The following CSMD3 variants were observed in gnomAD, a reference collection of about 807,000 sequenced individuals.
CSMD3 encodes the protein CUB and Sushi multiple domains 3.
A neutral mutation model predicts 435.2 loss-of-function variants in CSMD3; 177 were observed. The observed-to-expected ratio is 0.41, with a 90% CI of 0.36 to 0.46. CSMD3 has a LOEUF of 0.46. CSMD3 is among the 20% of genes least tolerant of loss of function. The pLI is 0.34. For missense variants in CSMD3, 4,265 were observed against 4,504.6 expected, an observed-to-expected ratio of 0.95 and a Z score of 1.52; for synonymous variants, 1,656 against 1,520.5, an observed-to-expected ratio of 1.09 and a Z score of -2.07.
At chr8:112,300,531 C>T (rs888760514) in intron 53 of CSMD3, among the ~76,000 whole-genome samples, 1 of 151,810 alleles carries the variant, frequency 6.6e-6, no homozygotes, top group Non-Finnish European at 1.5e-5. Context: ...TATGCCCAAC[C>T]TTATCCAATG....
chr8:112,710,156 C>T (rs1404837725), intron 13 of CSMD3, among the ~76,000 whole-genome samples: 2 of 152,056 alleles, frequency 1.3e-5, no homozygotes, highest in Non-Finnish European at 1.5e-5. Context: ...ATTTTTTCTT[C>T]AGATAAAGCC....
chr8:112,562,254 T>C (rs1166189961), intron 24 of CSMD3, among the ~76,000 whole-genome samples: 1 of 151,628 alleles, frequency 6.6e-6, no homozygotes, highest in Non-Finnish European at 1.5e-5. Flanking sequence ...CATACCTTAC[T>C]AGCAAAACAC....
At chr8:113,431,057 C>T (rs2094669547) in intron 1 of CSMD3, among the ~76,000 whole-genome samples, 2 of 152,092 alleles carry the variant, frequency 1.3e-5, no homozygotes, top group African/African-American at 4.8e-5. Flanking sequence ...AAAGCGATGT[C>T]CCTGAAGAGA....
At chr8:112,982,044 T>C (rs552688437) in intron 6 of CSMD3, among the ~76,000 whole-genome samples, 149 of 151,998 alleles carry the variant, frequency 9.8e-4, no homozygotes, top group Non-Finnish European at 1.7e-3. Context: ...TTGAAAATAG[T>C]ATCTCTCTCT....
chr8:112,692,967 ATCTATCG>A (rs2076170922), intron 13 of CSMD3, among the ~76,000 whole-genome samples: 1 of 148,254 alleles, frequency 6.7e-6, no homozygotes, highest in East Asian at 2.0e-4. Flanking sequence ...CTATCTATCT[ATCTATCG>A]AGAGAAAATA....
Position 113,278,583 on chromosome 8 carries a change from A to G in CSMD3, c.514+9T>C. On this transcript the variant is annotated intron_variant, in intron 3 of 70. Transcript: ENST00000297405. The stretch of plus-strand genomic sequence containing the variant: ...GGGCAGTGGTTTGTTTGCCACTACC[A>G]TCACTTACCTTCGTAATATACCTTA... The G allele has an allele frequency of 7.4e-7, 1 of 1,343,890 alleles. No individual in the cohort carries two copies. Among genetic ancestry groups the G allele is most frequent in the Non-Finnish European group, 1.1e-6 (1 of 933,932 alleles). 83.2% of individuals were successfully genotyped at this position (1,343,890 alleles called of 1,614,324 possible).
chr8:113,229,279 C>T (rs1024902745), intron 3 of CSMD3, among the ~76,000 whole-genome samples: 1 of 151,442 alleles, frequency 6.6e-6, no homozygotes, highest in Non-Finnish European at 1.5e-5. Flanking sequence ...TTGTTTATAA[C>T]GAACATTTTG....
chr8:112,915,723 T>C (rs1419753825), intron 10 of CSMD3, among the ~76,000 whole-genome samples: 1 of 151,828 alleles, frequency 6.6e-6, no homozygotes, highest in Non-Finnish European at 1.5e-5. Flanking sequence ...TTACAATCAA[T>C]AACCATCATT....
chr8:112,605,804 C>A (rs921881047), intron 22 of CSMD3, among the ~76,000 whole-genome samples: 1 of 152,096 alleles, frequency 6.6e-6, no homozygotes, highest in African/African-American at 2.4e-5. Context: ...GGAAAAAATA[C>A]CTGTTTTCAC....
At chr8:112,534,358 C>T (rs1238854330) in intron 27 of CSMD3, among the ~76,000 whole-genome samples, 1 of 152,126 alleles carries the variant, frequency 6.6e-6, no homozygotes. Flanking sequence ...ACCAATCCCA[C>T]AGAAATACAA....
At chr8:113,201,788 A>G (rs1166036866) in intron 3 of CSMD3, among the ~76,000 whole-genome samples, 2 of 152,084 alleles carry the variant, frequency 1.3e-5, no homozygotes, top group Non-Finnish European at 2.9e-5. Context: ...AAATCAGAGT[A>G]TTGCATGATT....
chr8:113,426,782 C>G (rs978113408), intron 1 of CSMD3, among the ~76,000 whole-genome samples: 1 of 151,342 alleles, frequency 6.6e-6, no homozygotes, highest in Non-Finnish European at 1.5e-5. Flanking sequence ...AATGGAAAAC[C>G]TGGCTGATGG....
chr8:112,738,913 A>T (rs2077244255), intron 13 of CSMD3, among the ~76,000 whole-genome samples: 1 of 151,662 alleles, frequency 6.6e-6, no homozygotes, highest in African/African-American at 2.4e-5. Flanking sequence ...TTTAAATGGA[A>T]TTTTTTCCAG....
At chr8:112,784,833 T>C (rs1272440450) in intron 13 of CSMD3, among the ~76,000 whole-genome samples, 4 of 151,902 alleles carry the variant, frequency 2.6e-5, no homozygotes, top group African/African-American at 9.7e-5. Flanking sequence ...TACCAAATAT[T>C]TAAAGAAGAG....
At chr8:112,722,296 A>T (rs7813569) in intron 13 of CSMD3, among the ~76,000 whole-genome samples, 81,245 of 151,358 alleles carry the variant, frequency 0.54, 22,402 homozygotes, top group African/African-American at 0.67. Context: ...TAGGTTTTTT[A>T]AAAAAAAAGG....
At chr8:112,976,675 T>C (rs1219182221) in intron 6 of CSMD3, among the ~76,000 whole-genome samples, 2 of 152,226 alleles carry the variant, frequency 1.3e-5, no homozygotes, top group African/African-American at 2.4e-5. Context: ...AAAGGGGCAC[T>C]AAAATAACCA....
intron 6 of CSMD3, among the ~76,000 whole-genome samples, chr8:113,005,038 G>A (rs1251790085): frequency 6.6e-6 from 1 of 151,556 alleles, no homozygotes; most frequent in Non-Finnish European, 1.5e-5. Context: ...TATTCCAAAT[G>A]ATATATATGT....
rs769306871 is a variant in CSMD3, at chr8:112,341,480, G to A, written c.6649C>T (p.Gln2217Ter). Residue 2217 changes from glutamine (Q) to a stop codon, truncating the protein, a stop_gained, in exon 42 of 71, where the codon CAA (glutamine) becomes TAA (stop). Transcript: ENST00000297405. LOFTEE classifies it high-confidence loss of function. Reference sequence around the variant, plus strand: ...CATTTTTTATTATTTCTCTTACCTTGGTATACAATATGAAACCCTTGTTTG... The same window carrying A: ...CATTTTTTATTATTTCTCTTACCTTAGTATACAATATGAAACCCTTGTTTG... ...QNKQGFHIVY[Q>*]AYQLQSCPDP... The A allele has an allele frequency of 6.3e-7, 1 of 1,582,158 alleles. No homozygotes were observed. The highest frequency in any genetic ancestry group is 8.7e-7 in the Non-Finnish European group (1 of 1,151,854).
At chr8:113,393,885 T>C (rs1244918598) in intron 1 of CSMD3, among the ~76,000 whole-genome samples, 1 of 151,902 alleles carries the variant, frequency 6.6e-6, no homozygotes. Context: ...TCTCTGTATC[T>C]ATGTGAAAAA....
Sources: allele counts gnomAD v4.1 joint callset (sites outside exome capture counted in the v4.1 genomes callset), GRCh38; gene constraint gnomAD v4.1.1; transcripts MANE v1.5; gene names NCBI Gene and HGNC (gene_info 2026-07-23, HGNC 2026-07-21).